The following EYS variants were observed in gnomAD, a reference collection of about 807,000 sequenced individuals.
EYS encodes EGF-like photoreceptor maintenance factor.
EYS carries 250 observed loss-of-function variants against 282.1 expected under a neutral mutation model. The observed-to-expected ratio is 0.89, with a 90% CI of 0.80 to 0.98. The LOEUF (loss-of-function observed/expected upper bound fraction) is 0.98. Among genes scored for constraint, EYS ranks in the 50% least tolerant of loss-of-function variants. The pLI is 0.00. For synonymous variants in EYS, 1,355 were observed against 1,282.9 expected, an observed-to-expected ratio of 1.06 and a Z score of -1.20; for missense variants, 4,016 against 3,709.0, an observed-to-expected ratio of 1.08 and a Z score of -2.15.
intron 22 of EYS, among the ~76,000 whole-genome samples, chr6:64,792,132 G>A (rs1182306966): frequency 2.0e-5 from 3 of 151,808 alleles, no homozygotes; most frequent in Non-Finnish European, 4.4e-5. Flanking sequence ...CTACTGTGAA[G>A]CCTTTATTCA....
At chr6:64,905,175 T>C (rs949390567) in intron 16 of EYS, among the ~76,000 whole-genome samples, 3 of 152,204 alleles carry the variant, frequency 2.0e-5, no homozygotes, top group African/African-American at 7.2e-5. Context: ...CACAACAAAA[T>C]TGCCTAGTGA....
intron 36 of EYS, among the ~76,000 whole-genome samples, chr6:63,826,227 G>A (rs1226792518): frequency 1.3e-5 from 2 of 152,228 alleles, no homozygotes; most frequent in Non-Finnish European, 2.9e-5. Flanking sequence ...AAGCCTCCAA[G>A]AAGTCTGGGA....
At chr6:63,855,770 T>TGG (rs891856230) in intron 36 of EYS, among the ~76,000 whole-genome samples, 3 of 152,182 alleles carry the variant, frequency 2.0e-5, no homozygotes, top group Non-Finnish European at 4.4e-5. Context: ...GTGAAGAAGA[T>TGG]GGGGGCTATT....
At chr6:64,735,092 T>C (rs1772141023) in intron 22 of EYS, among the ~76,000 whole-genome samples, 2 of 152,130 alleles carry the variant, frequency 1.3e-5, no homozygotes, top group Non-Finnish European at 2.9e-5. Context: ...TTTCTGACTT[T>C]GTTTTTTTTG....
intron 30 of EYS, among the ~76,000 whole-genome samples, chr6:64,300,972 T>C (rs1369777101): frequency 1.3e-5 from 2 of 152,212 alleles, no homozygotes; most frequent in Non-Finnish European, 2.9e-5. Flanking sequence ...AATTTTCTGA[T>C]TGCAAGGTTA....
At position 64,813,546 on chromosome 6, in the gene EYS, C is replaced by G. The variant is rs1055321734; in HGVS notation, c.3275G>C (p.Gly1092Ala). 3.1e-5 allele frequency: 48 copies of G among 1,549,352 alleles called. No homozygotes were observed. Among genetic ancestry groups the G allele is most frequent in the Admixed American group, 3.9e-5 (2 of 50,826 alleles). The change falls in exon 22 of 43, where the codon GGC becomes GCC. Residue 1092 changes from glycine to alanine, a missense_variant. Coordinates refer to ENST00000503581, the MANE Select transcript of EYS (RefSeq NM_001142800.2). The stretch of plus-strand genomic sequence containing the variant: ...TCCATGTGCTGACTTCTGACAGAAG[C>G]CTTCATTCATACAAGGGATTGATGT... ...DCTSIPCMNEGFCQKSAHGFT... is the reference protein window; with the variant it reads ...DCTSIPCMNEAFCQKSAHGFT...
At chr6:65,409,924 T>C (rs1233551072) in intron 5 of EYS, among the ~76,000 whole-genome samples, 4 of 152,086 alleles carry the variant, frequency 2.6e-5, no homozygotes, top group African/African-American at 9.7e-5. Context: ...ACATTATTAT[T>C]TGAAAACAAC....
rs530685623 is a variant in EYS, at chr6:64,436,282, T to A, written c.5836-17A>T. On this transcript the variant is annotated splice_polypyrimidine_tract_variant and intron_variant, in intron 27 of 42. Coordinates refer to ENST00000503581, the MANE Select transcript of EYS (RefSeq NM_001142800.2). ...AAAGTGGTACTGTTGGGGGAAAAAA[T>A]TTTGTCCTCAAACAGTTTTTCAGCA... The A allele has an allele frequency of 9.6e-6, 14 of 1,457,574 alleles. No homozygotes were observed. In the Middle Eastern group the frequency reaches 6.9e-4, roughly 72 times the overall value. 90.3% of individuals were successfully genotyped at this position (1,457,574 alleles called of 1,614,324 possible).
intron 19 of EYS, among the ~76,000 whole-genome samples, chr6:64,879,952 CT>C (rs1766864154): frequency 6.6e-6 from 1 of 152,106 alleles, no homozygotes; most frequent in Non-Finnish European, 1.5e-5. Flanking sequence ...GAAGTTGCTT[CT>C]GGAAGCAGGT....
At chr6:64,438,768 TGA>T (rs1489718205) in intron 27 of EYS, among the ~76,000 whole-genome samples, 1 of 151,702 alleles carries the variant, frequency 6.6e-6, no homozygotes, top group Admixed American at 6.6e-5. Flanking sequence ...GTATAGTATA[TGA>T]GCTTCTTAAG....
At chr6:64,741,216 C>G (rs1772359782) in intron 22 of EYS, among the ~76,000 whole-genome samples, 2 of 152,136 alleles carry the variant, frequency 1.3e-5, no homozygotes, top group Admixed American at 1.3e-4. Flanking sequence ...GGCATGAGAA[C>G]ATTAATATTC....
rs567281116 is a variant in EYS, at chr6:64,615,473, A to G, written c.3684+1945T>C. Among the ~76,000 whole-genome samples, 5 of 152,108 alleles carry G rather than the reference A, an allele frequency of 3.3e-5. No individual in the cohort carries two copies. The South Asian group carries it at 1.0e-3, about 32-fold the overall frequency. ...TTTTATCAAATATTTTGAATATTTG[A>G]TTTTCTGATAATTCAGCAGATTATT... On this transcript the variant is annotated intron_variant, in intron 24 of 42. Coordinates refer to ENST00000503581, the MANE Select transcript of EYS (RefSeq NM_001142800.2).
intron 29 of EYS, among the ~76,000 whole-genome samples, chr6:64,316,487 C>T (rs1769970792): frequency 6.6e-6 from 1 of 152,028 alleles, no homozygotes; most frequent in Non-Finnish European, 1.5e-5. Context: ...AATAAAATAC[C>T]TAGGAATACA....
intron 35 of EYS, among the ~76,000 whole-genome samples, chr6:63,940,817 A>C: frequency 6.8e-6 from 1 of 147,900 alleles, no homozygotes; most frequent in East Asian, 2.0e-4. Context: ...ATTTTTCTTA[A>C]TACTATCCCT....
intron 34 of EYS, among the ~76,000 whole-genome samples, chr6:63,993,632 A>G (rs1445659000): frequency 6.6e-6 from 1 of 151,904 alleles, no homozygotes; most frequent in Admixed American, 6.6e-5. Context: ...TGTAACTTAA[A>G]ACTACAAAAC....
chr6:64,561,366 T>G (rs75071037), intron 26 of EYS, among the ~76,000 whole-genome samples: 4,614 of 152,116 alleles, frequency 0.03, 154 homozygotes, highest in East Asian at 0.11. Flanking sequence ...ATCCAAATAG[T>G]AAAAGAGAAA....
chr6:64,932,839 C>G (rs1307222309), intron 15 of EYS, among the ~76,000 whole-genome samples: 1 of 152,000 alleles, frequency 6.6e-6, no homozygotes, highest in African/African-American at 2.4e-5. Context: ...CAAGCAGAGA[C>G]TAAAATGGCC....
intron 16 of EYS, among the ~76,000 whole-genome samples, chr6:64,909,039 C>T (rs1767913114): frequency 6.6e-6 from 1 of 152,072 alleles, no homozygotes; most frequent in East Asian, 1.9e-4. Flanking sequence ...ATTTGGCTGC[C>T]TCCTGTCACT....
At chr6:64,184,143 A>G (rs1169758876) in intron 31 of EYS, among the ~76,000 whole-genome samples, 1 of 152,110 alleles carries the variant, frequency 6.6e-6, no homozygotes, top group Non-Finnish European at 1.5e-5. Flanking sequence ...CATGGCAATT[A>G]TCACCATTGG....
Sources: gnomAD v4.1 joint callset for allele counts (sites outside exome capture counted in the v4.1 genomes callset) on GRCh38, gnomAD v4.1.1 for gene constraint, MANE v1.5 for transcripts, NCBI Gene and HGNC (gene_info 2026-07-23, HGNC 2026-07-21) for gene names.